Variants in COL19A1 observed in about 807,000 individuals in gnomAD.
The protein encoded by COL19A1 is collagen alpha-1(XIX) chain.
Under a neutral mutation model 190.2 loss-of-function variants are expected in COL19A1, and 159 were observed. The observed-to-expected ratio is 0.84, with a 90% CI of 0.73 to 0.95. The LOEUF (loss-of-function observed/expected upper bound fraction) is 0.95. COL19A1 is among the 40% of genes least tolerant of loss of function. The pLI is 0.00. For synonymous variants in COL19A1, 509 were observed against 458.9 expected (o/e 1.11, Z -1.39); for missense variants, 1,418 against 1,431.9 (o/e 0.99, Z 0.16).
At chr6:70,175,945 G>A (rs940063322) in intron 41 of COL19A1, among the ~76,000 whole-genome samples, 2 of 152,002 alleles carry the variant, frequency 1.3e-5, no homozygotes, top group Admixed American at 6.5e-5. Flanking sequence ...ATATATAGTC[G>A]TTAGTATTTT....
chr6:70,178,955 TA>T (rs1765993293), intron 42 of COL19A1, among the ~76,000 whole-genome samples: 1 of 152,180 alleles, frequency 6.6e-6, no homozygotes, highest in Non-Finnish European at 1.5e-5. Context: ...CCACTGGTCC[TA>T]CCTGACCTTA....
chr6:70,148,891 T>C (rs2025284), intron 27 of COL19A1, among the ~76,000 whole-genome samples: 73,802 of 150,440 alleles, frequency 0.49, 18,810 homozygotes, highest in African/African-American at 0.62. Context: ...TGCACCACTG[T>C]ACTTCAGCCT....
chr6:69,895,746 T>A (rs2096062), intron 2 of COL19A1, among the ~76,000 whole-genome samples: 149,209 of 152,076 alleles, frequency 0.98, 73,212 homozygotes, highest in East Asian at 1. Flanking sequence ...GGTGAATGAC[T>A]TTTTTCTATT....
intron 18 of COL19A1, among the ~76,000 whole-genome samples, chr6:70,135,062 C>T (rs917104239): frequency 6.6e-6 from 1 of 152,164 alleles, no homozygotes; most frequent in African/African-American, 2.4e-5. Context: ...GCTCACAGAA[C>T]TCAGGGAGAT....
At chr6:70,176,292 C>T (rs1488791429) in intron 41 of COL19A1, among the ~76,000 whole-genome samples, 1 of 152,138 alleles carries the variant, frequency 6.6e-6, no homozygotes, top group Non-Finnish European at 1.5e-5. Context: ...CTATTATTTA[C>T]TTTAGTTTTA....
intron 6 of COL19A1, 41 bp from the exon 7 acceptor site, chr6:69,932,742 C>CA: frequency 7.8e-7 from 1 of 1,276,230 alleles, no homozygotes. Flanking sequence ...AATGTGATTC[C>CA]AAAAAACTAA....
At chr6:70,165,209 A>G (rs972517558) in intron 36 of COL19A1, among the ~76,000 whole-genome samples, 2 of 152,224 alleles carry the variant, frequency 1.3e-5, no homozygotes, top group Non-Finnish European at 2.9e-5. Flanking sequence ...TCTGCTTATT[A>G]TGGACCGATA....
At chr6:70,083,027 TA>T (rs1782363697) in intron 15 of COL19A1, among the ~76,000 whole-genome samples, 1 of 152,196 alleles carries the variant, frequency 6.6e-6, no homozygotes, top group African/African-American at 2.4e-5. Flanking sequence ...GCCCGGTTCC[TA>T]ACAGTCCACA....
chr6:69,954,070 G>C (rs1433049621), intron 9 of COL19A1, among the ~76,000 whole-genome samples: 2 of 152,020 alleles, frequency 1.3e-5, no homozygotes, highest in African/African-American at 4.8e-5. Context: ...TGTTAGGGAA[G>C]ACTAGAAGAT....
intron 40 of COL19A1, among the ~76,000 whole-genome samples, chr6:70,169,571 A>C (rs1021920171): frequency 6.6e-6 from 1 of 152,170 alleles, no homozygotes; most frequent in African/African-American, 2.4e-5. Flanking sequence ...TATTTTAAAG[A>C]GATGCATTAA....
chr6:70,183,048 T>C (rs1473524309), intron 44 of COL19A1, among the ~76,000 whole-genome samples: 1 of 151,474 alleles, frequency 6.6e-6, no homozygotes, highest in Non-Finnish European at 1.5e-5. Context: ...GTGTGAGGAG[T>C]GGGGAGGTGA....
chr6:69,904,709 C>T (rs1041771330), intron 4 of COL19A1, among the ~76,000 whole-genome samples: 1 of 152,192 alleles, frequency 6.6e-6, no homozygotes, highest in Non-Finnish European at 1.5e-5. Flanking sequence ...ACTGTCCAGC[C>T]TGGAGGACAG....
At chr6:70,132,129 G>T (rs971822786) in intron 18 of COL19A1, among the ~76,000 whole-genome samples, 1 of 152,140 alleles carries the variant, frequency 6.6e-6, no homozygotes, top group Non-Finnish European at 1.5e-5. Flanking sequence ...ATTACAGGTG[G>T]TAGCTCGCAC....
intron 2 of COL19A1, among the ~76,000 whole-genome samples, chr6:69,883,145 G>A (rs922033546): frequency 1.3e-5 from 2 of 152,188 alleles, no homozygotes; most frequent in African/African-American, 4.8e-5. Flanking sequence ...CTGAGGCGGC[G>A]GCATGCTTGG....
intron 17 of COL19A1, among the ~76,000 whole-genome samples, chr6:70,126,298 G>C (rs1192552752): frequency 6.6e-6 from 1 of 152,180 alleles, no homozygotes; most frequent in African/African-American, 2.4e-5. Flanking sequence ...CAAGCAGTGA[G>C]TTAAACCCAA....
chr6:70,148,122 G>A (rs1230898466), intron 27 of COL19A1, among the ~76,000 whole-genome samples: 1 of 151,990 alleles, frequency 6.6e-6, no homozygotes, highest in Non-Finnish European at 1.5e-5. Context: ...CATATTTTGG[G>A]ATTTTATAGA....
At chr6:69,908,978 T>G (rs566989304) in intron 4 of COL19A1, among the ~76,000 whole-genome samples, 9 of 152,252 alleles carry the variant, frequency 5.9e-5, no homozygotes, top group East Asian at 3.9e-4. Context: ...GTGTTTCACA[T>G]GAGTTAAAAT....
chr6:70,205,830 T>G (rs898970713), intron 49 of COL19A1, among the ~76,000 whole-genome samples: 1 of 152,208 alleles, frequency 6.6e-6, no homozygotes, highest in Non-Finnish European at 1.5e-5. Flanking sequence ...TGTTTTAAAA[T>G]ATAGACAGAT....
chr6:70,174,906 G>A (rs116905150), intron 41 of COL19A1, among the ~76,000 whole-genome samples: 2,796 of 152,280 alleles, frequency 0.018, 45 homozygotes, highest in Middle Eastern at 0.031. Flanking sequence ...AAGTTGGAAC[G>A]CATGAAATTG....
Sources: gnomAD v4.1 joint callset for allele counts (sites outside exome capture counted in the v4.1 genomes callset) on GRCh38, gnomAD v4.1.1 for gene constraint, MANE v1.5 for transcripts, NCBI Gene and HGNC (gene_info 2026-07-23, HGNC 2026-07-21) for gene names.